WNT2: variants seen among roughly 807,000 people sequenced by gnomAD.
The protein encoded by WNT2 is Wnt family member 2.
A neutral mutation model predicts 36.9 loss-of-function variants in WNT2; 12 were observed. That is an observed-to-expected ratio of 0.33 (90% CI 0.21 to 0.53). The LOEUF is 0.53. Among genes scored for constraint, WNT2 ranks in the 20% least tolerant of loss-of-function variants. WNT2 has a pLI of 0.95. For synonymous variants in WNT2, 163 were observed against 174.6 expected (o/e 0.93, Z 0.52); for missense variants, 379 against 473.1 (o/e 0.80, Z 1.84).
chr7:117,315,363 C>G lies in WNT2; in HGVS notation c.311-15G>C. ...TTCCCGACTACCTGAAACAAAAATGCTTTTCTTAAAAGTGGTCCGGTAGCA... is the reference window on the plus strand; with the variant it reads ...TTCCCGACTACCTGAAACAAAAATGGTTTTCTTAAAAGTGGTCCGGTAGCA... On this transcript the variant is annotated splice_polypyrimidine_tract_variant and intron_variant, in intron 2 of 4. Coordinates refer to ENST00000265441, the MANE Select transcript of WNT2 (RefSeq NM_003391.3). 2.5e-6 allele frequency: 4 copies of G among 1,607,368 alleles called. No individual in the cohort carries two copies. Among genetic ancestry groups the G allele is most frequent in the Non-Finnish European group, 3.4e-6 (4 of 1,176,976 alleles).
intron 4 of WNT2, among the ~76,000 whole-genome samples, chr7:117,291,183 C>T (rs377338474): frequency 5.8e-4 from 89 of 152,330 alleles, no homozygotes; most frequent in Middle Eastern, 6.8e-3. Flanking sequence ...TGTGATACCT[C>T]GGTGCTTACA....
rs2116355321 is a variant in WNT2 at position 117,297,738 on chromosome 7, G to T, written c.727C>A (p.Gln243Lys). 6.2e-7 allele frequency: 1 copy of T among 1,614,136 alleles called. No homozygotes were observed. ...YLWRKYNGAI[Q>K]VVMNQDGTGF... ...GTGCCATCCTGGTTCATGACCACCTGGATGGCCCCATTGTACTTCCTCCAG... is the reference window on the plus strand; with the variant it reads ...GTGCCATCCTGGTTCATGACCACCTTGATGGCCCCATTGTACTTCCTCCAG... The change falls in exon 4 of 5, where the codon CAG (glutamine) becomes AAG (lysine). Residue 243 changes from glutamine (Q) to lysine (K), a missense_variant. Gln to Lys is a moderately conservative substitution (Grantham distance 53). Coordinates refer to ENST00000265441, the MANE Select transcript of WNT2 (RefSeq NM_003391.3).
At chr7:117,313,540 A>G (rs1443003654) in intron 3 of WNT2, among the ~76,000 whole-genome samples, 1 of 152,240 alleles carries the variant, frequency 6.6e-6, no homozygotes, top group Non-Finnish European at 1.5e-5. Flanking sequence ...TTCAATATCT[A>G]ATGACCTATT....
chr7:117,304,431 C>T (rs1020147687), intron 3 of WNT2, among the ~76,000 whole-genome samples: 84 of 117,224 alleles, frequency 7.2e-4, no homozygotes, highest in African/African-American at 2.7e-3. Flanking sequence ...CTCTCCTCCA[C>T]ATTTTTTTTT....
Position 117,320,664 on chromosome 7 carries a change from C to T in WNT2, c.213G>A (p.Glu71=), listed in dbSNP as rs1469434190. The T allele has an allele frequency of 2.5e-6, 4 of 1,613,940 alleles. No homozygotes were observed. Among genetic ancestry groups the T allele is most frequent in the Non-Finnish European group, 3.4e-6 (4 of 1,179,922 alleles). Reference sequence around the variant, plus strand: ...ACTGGTGCTGGCATTCTGCTGTCCACTCGGCCACGCCCTGGCTAATGGCAC... The same window carrying T: ...ACTGGTGCTGGCATTCTGCTGTCCATTCGGCCACGCCCTGGCTAATGGCAC... ...VMRAISQGVA[E]WTAECQHQFR... Residue 71 remains glutamate, a synonymous_variant, in exon 2 of 5, where the codon GAG becomes GAA. Coordinates refer to ENST00000265441, the MANE Select transcript of WNT2 (RefSeq NM_003391.3).
chr7:117,302,839 A>G (rs191776021), intron 3 of WNT2, among the ~76,000 whole-genome samples: 33 of 152,328 alleles, frequency 2.2e-4, no homozygotes, highest in Admixed American at 2.0e-3. Context: ...AAAGGCCTGC[A>G]TATGTGTGTA....
intron 3 of WNT2, among the ~76,000 whole-genome samples, chr7:117,302,089 C>T (rs565166548): frequency 1.3e-5 from 2 of 151,904 alleles, no homozygotes; most frequent in Non-Finnish European, 2.9e-5. Context: ...AGCCACTGTG[C>T]CCAACCCCCT....
intron 4 of WNT2, among the ~76,000 whole-genome samples, chr7:117,283,930 G>A (rs963394889): frequency 6.6e-6 from 1 of 152,202 alleles, no homozygotes; most frequent in Non-Finnish European, 1.5e-5. Context: ...CAGCAGTGAG[G>A]TCGCAGCCTG....
chr7:117,314,802 A>G (rs1015223292), intron 3 of WNT2, among the ~76,000 whole-genome samples: 1 of 152,204 alleles, frequency 6.6e-6, no homozygotes, highest in African/African-American at 2.4e-5. Flanking sequence ...CAGTGTCCAG[A>G]GAGACCATAA....
intron 3 of WNT2, chr7:117,301,127 A>G (rs555676042): frequency 3.3e-5 from 5 of 152,162 alleles, no homozygotes; most frequent in Non-Finnish European, 7.3e-5. Flanking sequence ...TTGGTTGTGG[A>G]TTAATGACAG....
At chr7:117,289,239 T>C (rs1273115128) in intron 4 of WNT2, among the ~76,000 whole-genome samples, 2 of 151,906 alleles carry the variant, frequency 1.3e-5, no homozygotes, top group African/African-American at 4.8e-5. Flanking sequence ...TTTGTATTTT[T>C]AGTAGAGACG....
At chr7:117,293,741 G>A (rs538225694) in intron 4 of WNT2, among the ~76,000 whole-genome samples, 6 of 152,022 alleles carry the variant, frequency 3.9e-5, no homozygotes, top group Non-Finnish European at 8.8e-5. Context: ...ATTTTAGCAC[G>A]GTGGGGTTGG....
chr7:117,296,020 C>T (rs1353853206), intron 4 of WNT2, among the ~76,000 whole-genome samples: 1 of 152,178 alleles, frequency 6.6e-6, no homozygotes, highest in Admixed American at 6.5e-5. Flanking sequence ...GATCTCAGCC[C>T]AGTACCCAGT....
At chr7:117,296,682 A>G (rs574673955) in intron 4 of WNT2, among the ~76,000 whole-genome samples, 70 of 152,314 alleles carry the variant, frequency 4.6e-4, no homozygotes, top group African/African-American at 1.6e-3. Flanking sequence ...GGGTTGATCA[A>G]GAGGAGTGAG....
At chr7:117,320,509 G>C (rs2116394865) in intron 2 of WNT2, 58 bp downstream of exon 2, 2 of 1,497,006 alleles carry the variant, frequency 1.3e-6, no homozygotes, top group Non-Finnish European at 1.8e-6. Context: ...TGAAGATGGA[G>C]TGAGGGAGCT....
intron 4 of WNT2, among the ~76,000 whole-genome samples, chr7:117,279,392 C>T (rs1221313574): frequency 1.3e-5 from 2 of 152,240 alleles, no homozygotes; most frequent in African/African-American, 4.8e-5. Context: ...ACCCTGCTCA[C>T]TGGTGAACAA....
At chr7:117,318,772 A>G (rs1298865587) in intron 2 of WNT2, among the ~76,000 whole-genome samples, 1 of 152,208 alleles carries the variant, frequency 6.6e-6, no homozygotes, top group African/African-American at 2.4e-5. Flanking sequence ...TCAGTCTCCC[A>G]AAGTGCTGGG....
intron 3 of WNT2, among the ~76,000 whole-genome samples, chr7:117,308,567 G>T (rs374904538): frequency 2.4e-4 from 37 of 152,338 alleles, no homozygotes; most frequent in African/African-American, 8.4e-4. Flanking sequence ...CAACAAGACA[G>T]AAGTGAGCCT....
Position 117,306,336 on chromosome 7 carries a change from G to A in WNT2, c.589-8460C>T, listed in dbSNP as rs569503808. ...GACAAGGACTGTGAGGGGAGAAAAC[G>A]GTACCAATTTATACATTTCTGCACT... is the stretch of plus-strand genomic sequence containing the variant. On this transcript the variant is annotated intron_variant, in intron 3 of 4. Transcript: ENST00000265441. Among the ~76,000 whole-genome samples the A allele has an allele frequency of 7.9e-5, 12 of 152,274 alleles. No homozygotes were observed. The South Asian group carries it at 1.9e-3, about 24-fold the overall frequency.
Sources: allele counts gnomAD v4.1 joint callset (sites outside exome capture counted in the v4.1 genomes callset), GRCh38; gene constraint gnomAD v4.1.1; transcripts MANE v1.5; gene names NCBI Gene and HGNC (gene_info 2026-07-23, HGNC 2026-07-21).